ATP13A5: variants seen among roughly 807,000 people sequenced by gnomAD.
ATP13A5 encodes the protein probable cation-transporting ATPase 13A5.
ATP13A5 carries 149 observed loss-of-function variants against 150.2 expected under a neutral mutation model. The observed-to-expected ratio is 0.99, with a 90% CI of 0.87 to 1.14. ATP13A5 has a LOEUF of 1.14. Among genes scored for constraint, ATP13A5 ranks in the 50% most tolerant of loss-of-function variants. ATP13A5 has a pLI of 0.00. For synonymous variants in ATP13A5, 497 were observed against 522.2 expected, an observed-to-expected ratio of 0.95 and a Z score of 0.66; for missense variants, 1,383 against 1,449.3, an observed-to-expected ratio of 0.95 and a Z score of 0.74.
At chr3:193,295,937 T>TA (rs1344165766) in intron 25 of ATP13A5, among the ~76,000 whole-genome samples, 1 of 152,160 alleles carries the variant, frequency 6.6e-6, no homozygotes, top group Admixed American at 6.6e-5. Flanking sequence ...GAGCCACTGT[T>TA]AGAGAGACTG....
At chr3:193,365,525 T>C (rs950926454) in intron 1 of ATP13A5, among the ~76,000 whole-genome samples, 4 of 152,168 alleles carry the variant, frequency 2.6e-5, no homozygotes, top group African/African-American at 9.6e-5. Context: ...TCTGATTCTA[T>C]AAACCTGCTT....
At chr3:193,304,378 T>C (rs1053094105) in intron 23 of ATP13A5, among the ~76,000 whole-genome samples, 2 of 152,160 alleles carry the variant, frequency 1.3e-5, no homozygotes, top group African/African-American at 4.8e-5. Flanking sequence ...AAAGCTGTCT[T>C]GCTGATATGC....
At chr3:193,363,208 A>T in intron 3 of ATP13A5, 28 bp downstream of exon 3, 1 of 1,597,514 alleles carries the variant, frequency 6.3e-7, no homozygotes, top group Non-Finnish European at 8.5e-7. Flanking sequence ...GTAAACATGC[A>T]TAACACCATA....
rs931851797 is a variant in ATP13A5, at chr3:193,274,851, C to T, written c.*191G>A. 9 of 704,460 alleles carry T rather than the reference C, an allele frequency of 1.3e-5. No homozygotes were observed. The highest frequency in any genetic ancestry group is 1.9e-5 in the Non-Finnish European group (8 of 425,728). The allele number at this position is 704,460 out of a possible 1,614,324, so 43.6% of individuals were successfully genotyped here. On this transcript the variant is annotated 3_prime_UTR_variant, in exon 30 of 30. Coordinates refer to ENST00000342358, the MANE Select transcript of ATP13A5 (RefSeq NM_198505.4). ...ATACAGGAAATGCATTTTTTTCTCT[C>T]ATTGGTAAAGCATACAGTCAGAATA...
chr3:193,324,988 G>A lies in ATP13A5; in HGVS notation c.1550C>T (p.Ser517Leu), dbSNP rs1407652315. The A allele has an allele frequency of 4.7e-5, 76 of 1,612,506 alleles. No individual in the cohort carries two copies. The highest frequency in any genetic ancestry group is 6.3e-5 in the Non-Finnish European group (74 of 1,179,446). ...NCFQEAHSFA[S>L]GQAVPWSPLC... ...TGGGCTCCATGGCACAGCCTGGCCT[G>A]AGGCAAAGCTGTGGGCTTCCTGGAA... Residue 517 changes from serine (S) to leucine (L), a missense_variant, in exon 14 of 30, where the codon TCA (serine) becomes TTA (leucine). By Grantham distance (145) the Ser-to-Leu change is moderately radical. Coordinates refer to ENST00000342358, the MANE Select transcript of ATP13A5 (RefSeq NM_198505.4).
chr3:193,280,210 A>C (rs950413146), intron 27 of ATP13A5, among the ~76,000 whole-genome samples: 4 of 151,812 alleles, frequency 2.6e-5, no homozygotes, highest in Admixed American at 6.6e-5. Flanking sequence ...ACCACCATGC[A>C]TGGCTAAATT....
chr3:193,347,102 A>G (rs1302823472), intron 7 of ATP13A5, among the ~76,000 whole-genome samples: 1 of 152,212 alleles, frequency 6.6e-6, no homozygotes, highest in Non-Finnish European at 1.5e-5. Flanking sequence ...TCAAGCTCTA[A>G]AATGATATGA....
At chr3:193,325,707 G>A (rs1370019574) in intron 13 of ATP13A5, among the ~76,000 whole-genome samples, 1 of 152,168 alleles carries the variant, frequency 6.6e-6, no homozygotes, top group South Asian at 2.1e-4. Flanking sequence ...TTTAGAGTTT[G>A]CCCCTACTTC....
At chr3:193,374,607 T>C (rs1370610773) in intron 1 of ATP13A5, among the ~76,000 whole-genome samples, 1 of 146,414 alleles carries the variant, frequency 6.8e-6, no homozygotes. Flanking sequence ...ATCACACCAC[T>C]GCACTCCAGC....
chr3:193,375,840 ATC>A (rs1457574790), intron 1 of ATP13A5, among the ~76,000 whole-genome samples: 1 of 152,164 alleles, frequency 6.6e-6, no homozygotes, highest in Non-Finnish European at 1.5e-5. Context: ...AGCTTGCATA[ATC>A]TCACAGCATC....
At position 193,284,964 on chromosome 3, in the gene ATP13A5, G is replaced by A. The variant is rs1239673321; in HGVS notation, c.3176C>T (p.Ala1059Val). 6.2e-7 allele frequency: 1 copy of A among 1,614,078 alleles called. No homozygotes were observed. Among genetic ancestry groups the A allele is most frequent in the Non-Finnish European group, 8.5e-7 (1 of 1,179,952 alleles). ...TGGCTTTCCCTTAGAAAAGATGAAT[G>A]CTACTGTGATATAGTTGATGGTGGT... ...PITTINYITV[A>V]FIFSKGKPFR... Residue 1059 changes from alanine to valine, a missense_variant, in exon 27 of 30, where the codon GCA becomes GTA. By Grantham distance (64) the Ala-to-Val change is moderately conservative (BLOSUM62 0). Transcript: ENST00000342358.
At chr3:193,340,452 A>G (rs1419274876) in intron 9 of ATP13A5, among the ~76,000 whole-genome samples, 1 of 152,218 alleles carries the variant, frequency 6.6e-6, no homozygotes, top group Non-Finnish European at 1.5e-5. Flanking sequence ...AAAGGAAGAG[A>G]GAAAAAGATC....
intron 28 of ATP13A5, chr3:193,277,881 A>C (rs1407967923): frequency 2.0e-5 from 3 of 152,216 alleles, no homozygotes; most frequent in African/African-American, 7.2e-5. Context: ...GCTGGAGTGC[A>C]GTGGCACAAT....
intron 25 of ATP13A5, among the ~76,000 whole-genome samples, chr3:193,298,227 T>C (rs1195848521): frequency 6.6e-6 from 1 of 152,082 alleles, no homozygotes; most frequent in African/African-American, 2.4e-5. Flanking sequence ...ATCATGCAAA[T>C]TGCTTAAAAT....
intron 28 of ATP13A5, 82 bp from the exon 29 acceptor site, chr3:193,276,912 A>T: frequency 9.6e-7 from 1 of 1,037,438 alleles, no homozygotes; most frequent in Non-Finnish European, 1.4e-6. Flanking sequence ...TAATTTATAG[A>T]TTTGTAATAA....
intron 5 of ATP13A5, 149 bp from the exon 6 acceptor site, chr3:193,354,345 T>C (rs1213860734): frequency 7.6e-6 from 5 of 654,524 alleles, no homozygotes; most frequent in Non-Finnish European, 1.0e-5. Flanking sequence ...TGAAACGTAA[T>C]TCTAAACTAC....
intron 23 of ATP13A5, among the ~76,000 whole-genome samples, chr3:193,303,487 A>C (rs1351379282): frequency 1.3e-5 from 2 of 152,146 alleles, no homozygotes; most frequent in African/African-American, 4.8e-5. Context: ...TGCCTGATGC[A>C]TGAGAGACAC....
At chr3:193,284,106 G>A (rs771714217) in intron 27 of ATP13A5, among the ~76,000 whole-genome samples, 11 of 151,020 alleles carry the variant, frequency 7.3e-5, no homozygotes, top group Non-Finnish European at 1.2e-4. Flanking sequence ...CTGCAGCCTC[G>A]ACCTCCCAGG....
intron 21 of ATP13A5, among the ~76,000 whole-genome samples, chr3:193,307,814 G>A (rs1718674849): frequency 6.6e-6 from 1 of 152,158 alleles, no homozygotes; most frequent in Non-Finnish European, 1.5e-5. Flanking sequence ...TTCAAAAACA[G>A]TTTAACAGAT....
Sources: gnomAD v4.1 joint callset for allele counts (sites outside exome capture counted in the v4.1 genomes callset) on GRCh38, gnomAD v4.1.1 for gene constraint, MANE v1.5 for transcripts, NCBI Gene and HGNC (gene_info 2026-07-23, HGNC 2026-07-21) for gene names.